RAPGEF2: variants seen among roughly 807,000 people sequenced by gnomAD.
RAPGEF2 encodes the protein PDZ domain containing guanine nucleotide exchange factor (GEF) 1.
A neutral mutation model predicts 186.7 loss-of-function variants in RAPGEF2; 54 were observed. That is an observed-to-expected ratio of 0.29 (90% CI 0.23 to 0.36). The LOEUF (loss-of-function observed/expected upper bound fraction) is 0.36. Ranked by LOEUF, RAPGEF2 falls within the 10% of genes least tolerant of loss-of-function variation. RAPGEF2 has a pLI of 1.00. For synonymous variants in RAPGEF2, 712 were observed against 705.9 expected (o/e 1.01, Z -0.14); for missense variants, 1,532 against 2,045.0 (o/e 0.75, Z 4.84).
intron 2 of RAPGEF2, 57 bp downstream of exon 2, chr4:159,186,769 C>T: frequency 1.1e-6 from 1 of 928,006 alleles, no homozygotes. Flanking sequence ...AAGCATGTAA[C>T]AATTTAACAT....
At chr4:159,230,862 G>A (rs1282565381) in intron 4 of RAPGEF2, among the ~76,000 whole-genome samples, 1 of 152,068 alleles carries the variant, frequency 6.6e-6, no homozygotes, top group East Asian at 1.9e-4. Flanking sequence ...TAAGAAGAGG[G>A]ACTATATTTA....
rs1764340004 is a variant in RAPGEF2 at position 159,314,696 on chromosome 4, C to G, written c.781C>G (p.Pro261Ala). 3.1e-6 allele frequency: 5 copies of G among 1,613,402 alleles called. No individual in the cohort carries two copies. The highest frequency in any genetic ancestry group is 4.2e-6 in the Non-Finnish European group (5 of 1,179,428). Reference sequence around the variant, plus strand: ...AGAAGACATTGAGAGAGCATCAGATCCTCTGATGAGCAGGGACATTGTGAG... The same window carrying G: ...AGAAGACATTGAGAGAGCATCAGATGCTCTGATGAGCAGGGACATTGTGAG... ...DEEDIERASD[P>A]LMSRDIVRDC... Residue 261 changes from proline to alanine, a missense_variant, in exon 9 of 30, where the codon CCT becomes GCT. Coordinates refer to ENST00000691494, the MANE Select transcript of RAPGEF2 (RefSeq NM_001394067.2).
chr4:159,226,143 AT>A (rs1752007203), intron 4 of RAPGEF2, among the ~76,000 whole-genome samples: 1 of 151,960 alleles, frequency 6.6e-6, no homozygotes. Context: ...ATCTATTTTG[AT>A]TTAATTTTTG....
At chr4:159,235,700 A>T (rs1457672830) in intron 4 of RAPGEF2, among the ~76,000 whole-genome samples, 3 of 152,082 alleles carry the variant, frequency 2.0e-5, no homozygotes, top group African/African-American at 4.8e-5. Context: ...CCAGAGCTGA[A>T]TTTTTTCAGT....
chr4:159,255,840 T>C (rs537867442), intron 7 of RAPGEF2, among the ~76,000 whole-genome samples: 13 of 152,344 alleles, frequency 8.5e-5, no homozygotes, highest in South Asian at 4.1e-4. Context: ...TTTAGTGATA[T>C]ATACTTTTAA....
At chr4:159,162,293 G>A (rs1481482292) in intron 1 of RAPGEF2, among the ~76,000 whole-genome samples, 2 of 148,100 alleles carry the variant, frequency 1.4e-5, no homozygotes, top group East Asian at 2.0e-4. Flanking sequence ...GGGACTACAA[G>A]TACAAGGCAA....
chr4:159,193,538 A>G (rs768789412), intron 3 of RAPGEF2, among the ~76,000 whole-genome samples: 4 of 152,220 alleles, frequency 2.6e-5, no homozygotes, highest in Non-Finnish European at 5.9e-5. Context: ...GAAATAAGAA[A>G]TAATATACAG....
chr4:159,149,855 G>A (rs1743343682), intron 1 of RAPGEF2, among the ~76,000 whole-genome samples: 1 of 152,106 alleles, frequency 6.6e-6, no homozygotes, highest in African/African-American at 2.4e-5. Context: ...GTTCTTAGGA[G>A]ACAAAATTGC....
At chr4:159,356,254 C>A in intron 29 of RAPGEF2, 96 bp downstream of exon 29, 1 of 1,262,238 alleles carries the variant, frequency 7.9e-7, no homozygotes. Flanking sequence ...CTGCAGTCAG[C>A]TATGTCTAAC....
At chr4:159,350,533 AT>A (rs34612289) in intron 26 of RAPGEF2, among the ~76,000 whole-genome samples, 1 of 152,174 alleles carries the variant, frequency 6.6e-6, no homozygotes, top group South Asian at 2.1e-4. Context: ...TTAAAAATAC[AT>A]TTACTTTTAA....
chr4:159,279,458 G>T (rs1489231427), intron 7 of RAPGEF2, among the ~76,000 whole-genome samples: 4 of 152,120 alleles, frequency 2.6e-5, no homozygotes, highest in Non-Finnish European at 4.4e-5. Context: ...TCAACATTTA[G>T]AAGTGATTTT....
At chr4:159,215,465 A>G (rs1750914119) in intron 4 of RAPGEF2, among the ~76,000 whole-genome samples, 1 of 152,240 alleles carries the variant, frequency 6.6e-6, no homozygotes, top group Admixed American at 6.5e-5. Context: ...GGCATGAGCC[A>G]CTGCACCTGG....
rs368974714 is a variant in RAPGEF2, at chr4:159,234,436, GTAGTGGAACGAT to G, written c.282-4372_282-4361del. On this transcript the variant is annotated intron_variant, in intron 4 of 29. Coordinates refer to ENST00000691494, the MANE Select transcript of RAPGEF2 (RefSeq NM_001394067.2). ...CTTGCTCTGTCACCCAGGCTGGAGT[GTAGTGGAACGAT>G]CTCGTCTCACCGCAACCTCTGCCTT... Among the ~76,000 whole-genome samples the G allele has an allele frequency of 2.4e-3, 369 of 152,154 alleles. 1 individual carries two copies. The highest frequency in any genetic ancestry group is 8.6e-3 in the African/African-American group (355 of 41,500).
intron 9 of RAPGEF2, among the ~76,000 whole-genome samples, chr4:159,316,088 C>T (rs1466020546): frequency 6.6e-6 from 1 of 152,138 alleles, no homozygotes; most frequent in Non-Finnish European, 1.5e-5. Flanking sequence ...CGGGCATCTT[C>T]CCAGATGCTG....
At chr4:159,340,329 T>C (rs1729211035) in intron 19 of RAPGEF2, among the ~76,000 whole-genome samples, 2 of 152,192 alleles carry the variant, frequency 1.3e-5, no homozygotes, top group Non-Finnish European at 2.9e-5. Flanking sequence ...TTTTTCCACT[T>C]ATCATTTCAA....
intron 7 of RAPGEF2, among the ~76,000 whole-genome samples, chr4:159,245,532 A>G (rs1754531603): frequency 6.6e-6 from 1 of 152,088 alleles, no homozygotes; most frequent in Non-Finnish European, 1.5e-5. Flanking sequence ...CCTTGTCTCC[A>G]GGTTCAGAAT....
intron 7 of RAPGEF2, chr4:159,282,661 T>C (rs1342255987): frequency 4.4e-6 from 2 of 451,564 alleles, no homozygotes; most frequent in Admixed American, 4.8e-5. Flanking sequence ...TATTTCTTCC[T>C]AAGGCTTGCC....
intron 12 of RAPGEF2, among the ~76,000 whole-genome samples, 161 bp downstream of exon 12, chr4:159,330,171 A>G (rs1020045106): frequency 2.6e-5 from 4 of 151,818 alleles, no homozygotes; most frequent in Non-Finnish European, 5.9e-5. Flanking sequence ...AGTTTCATTA[A>G]TTGTTAACTG....
intron 1 of RAPGEF2, among the ~76,000 whole-genome samples, chr4:159,148,056 T>A (rs1743131969): frequency 6.6e-6 from 1 of 152,212 alleles, no homozygotes; most frequent in Admixed American, 6.5e-5. Flanking sequence ...TATGAACTTT[T>A]TTAAAGCTAA....
Sources: allele counts gnomAD v4.1 joint callset (sites outside exome capture counted in the v4.1 genomes callset), GRCh38; gene constraint gnomAD v4.1.1; transcripts MANE v1.5; gene names NCBI Gene and HGNC (gene_info 2026-07-23, HGNC 2026-07-21).